NRG3: variants seen among roughly 807,000 people sequenced by gnomAD.
NRG3 encodes the protein neuregulin 3.
NRG3 carries 31 observed loss-of-function variants against 66.9 expected under a neutral mutation model. That is an observed-to-expected ratio of 0.46 (90% CI 0.35 to 0.63). NRG3 has a LOEUF of 0.63. Ranked by LOEUF, NRG3 falls within the 20% of genes least tolerant of loss-of-function variation. The pLI, the probability that NRG3 is intolerant of heterozygous loss-of-function variation, is 0.00. For synonymous variants in NRG3, 393 were observed against 359.4 expected (o/e 1.09, Z -1.06); for missense variants, 910 against 878.9 (o/e 1.04, Z -0.45).
chr10:82,251,897 A>G (rs530981386), intron 1 of NRG3, among the ~76,000 whole-genome samples: 1 of 151,420 alleles, frequency 6.6e-6, no homozygotes, highest in East Asian at 2.0e-4. Context: ...AGAGGTAAGG[A>G]GGACTGGCTC....
chr10:81,944,187 G>T (rs951841243), intron 1 of NRG3, among the ~76,000 whole-genome samples: 1 of 152,218 alleles, frequency 6.6e-6, no homozygotes, highest in Non-Finnish European at 1.5e-5. Context: ...CAGACAAAAA[G>T]AAATCCACAT....
intron 1 of NRG3, among the ~76,000 whole-genome samples, chr10:82,304,925 G>A (rs1225926583): frequency 6.8e-6 from 1 of 146,916 alleles, no homozygotes; most frequent in Non-Finnish European, 1.5e-5. Context: ...GACTATCACA[G>A]ATCTTCTTGA....
At chr10:82,907,553 C>T (rs566274215) in intron 4 of NRG3, among the ~76,000 whole-genome samples, 1 of 152,102 alleles carries the variant, frequency 6.6e-6, no homozygotes, top group Non-Finnish European at 1.5e-5. Context: ...AATTTATCAT[C>T]AATTATTTAA....
At chr10:82,905,803 A>G (rs924049283) in intron 4 of NRG3, among the ~76,000 whole-genome samples, 4 of 152,040 alleles carry the variant, frequency 2.6e-5, no homozygotes, top group Non-Finnish European at 5.9e-5. Flanking sequence ...TGAAACTTCT[A>G]CTCATCTGGA....
At position 82,252,255 on chromosome 10, in the gene NRG3, T is replaced by A. The variant is rs187888054; in HGVS notation, c.824-106484T>A. ...ACATTGCTCAATTGGGTACAAAAAATTTTTTTCCCTTGTGTTTGCTTTAGT... is the reference window on the plus strand; with the variant it reads ...ACATTGCTCAATTGGGTACAAAAAAATTTTTTCCCTTGTGTTTGCTTTAGT... On this transcript the variant is annotated intron_variant, in intron 1 of 8. Transcript: ENST00000372141. Among the ~76,000 whole-genome samples the A allele has an allele frequency of 3.5e-3, 532 of 152,266 alleles. 2 individuals carry two copies. Among genetic ancestry groups the A allele is most frequent in the African/African-American group, 0.011 (461 of 41,558 alleles).
At chr10:81,940,219 C>A (rs1414024807) in intron 1 of NRG3, among the ~76,000 whole-genome samples, 1 of 152,052 alleles carries the variant, frequency 6.6e-6, no homozygotes, top group Non-Finnish European at 1.5e-5. Context: ...TTTGCATATG[C>A]TTGAGAAGAA....
chr10:82,246,306 A>G (rs1286302892), intron 1 of NRG3, among the ~76,000 whole-genome samples: 1 of 152,190 alleles, frequency 6.6e-6, no homozygotes, highest in Non-Finnish European at 1.5e-5. Context: ...ATACTGCAAA[A>G]TGCTTGATAT....
intron 2 of NRG3, among the ~76,000 whole-genome samples, chr10:82,522,295 C>G (rs978168517): frequency 6.6e-6 from 1 of 151,878 alleles, no homozygotes; most frequent in Non-Finnish European, 1.5e-5. Flanking sequence ...TCCGCCTGCC[C>G]CAGCCTCTGA....
At chr10:82,132,540 T>TATATATCATATATATATATC (rs1303043191) in intron 1 of NRG3, among the ~76,000 whole-genome samples, 13 of 130,146 alleles carry the variant, frequency 1.0e-4, no homozygotes, top group African/African-American at 1.8e-4. Context: ...ATATATGATA[T>TATATATCATATATATATATC]ATATATATCT....
intron 3 of NRG3, among the ~76,000 whole-genome samples, chr10:82,859,983 A>G (rs2064031073): frequency 6.6e-6 from 1 of 152,096 alleles, no homozygotes; most frequent in African/African-American, 2.4e-5. Context: ...AATCTTAAGA[A>G]TGTTTCAGCT....
At chr10:82,065,906 A>G (rs1342902814) in intron 1 of NRG3, among the ~76,000 whole-genome samples, 15 of 152,164 alleles carry the variant, frequency 9.9e-5, no homozygotes, top group Admixed American at 9.8e-4. Flanking sequence ...TTGCTCTTTA[A>G]TCTAGTTTTT....
intron 1 of NRG3, among the ~76,000 whole-genome samples, chr10:82,164,002 C>A (rs538227505): frequency 5.3e-5 from 8 of 150,852 alleles, no homozygotes; most frequent in African/African-American, 1.9e-4. Context: ...CTCACTGCAA[C>A]CTCCACCTCC....
chr10:82,674,999 G>A (rs1218246019), intron 2 of NRG3, among the ~76,000 whole-genome samples: 1 of 150,198 alleles, frequency 6.7e-6, no homozygotes, highest in Non-Finnish European at 1.5e-5. Flanking sequence ...TCACTGTGTC[G>A]CCCAGGCTGG....
At chr10:82,353,343 A>G (rs11193893) in intron 1 of NRG3, among the ~76,000 whole-genome samples, 58,047 of 152,048 alleles carry the variant, frequency 0.38, 16,237 homozygotes, top group African/African-American at 0.78. Flanking sequence ...GTAGTTAAGG[A>G]AGAAACCAGT....
chr10:81,972,892 A>G (rs2059981938), intron 1 of NRG3, among the ~76,000 whole-genome samples: 1 of 152,204 alleles, frequency 6.6e-6, no homozygotes, highest in Admixed American at 6.5e-5. Context: ...CATTAATACA[A>G]TGTAATTTAA....
chr10:82,892,308 A>T (rs1462370951), intron 4 of NRG3, among the ~76,000 whole-genome samples: 3 of 152,148 alleles, frequency 2.0e-5, no homozygotes, highest in Non-Finnish European at 4.4e-5. Flanking sequence ...GCGAGAAATG[A>T]AAGAGGCAAG....
rs78277696 is a variant in NRG3, at chr10:82,250,846, A to T, written c.824-107893A>T. 3.2e-4 allele frequency among the ~76,000 whole-genome samples: 49 copies of T among 152,268 alleles called. No homozygotes were observed. The East Asian group carries it at 8.1e-3, about 25-fold the overall frequency. On this transcript the variant is annotated intron_variant, in intron 1 of 8. Transcript: ENST00000372141. The stretch of plus-strand genomic sequence containing the variant: ...CCTGGCTCTAGTCTATATTTACCGG[A>T]TGCTGTATTAAAAGAGGTAAAACCA...
chr10:82,680,885 T>C (rs1197914401), intron 2 of NRG3, among the ~76,000 whole-genome samples: 18 of 152,228 alleles, frequency 1.2e-4, no homozygotes. Context: ...TGAAAGCTCC[T>C]TGCCAAGGGA....
Position 82,590,787 on chromosome 10 carries a change from C to A in NRG3, c.954-147790C>A, listed in dbSNP as rs146390615. 4.3e-4 allele frequency among the ~76,000 whole-genome samples: 66 copies of A among 152,246 alleles called. 1 individual carries two copies. In the East Asian group the frequency reaches 0.012, roughly 29 times the overall value. ...AGGTTGGTGTGCCACCTAGATCTTGCAGTTTGGAACCAAAGATTTCAATGA... is the reference window on the plus strand; with the variant it reads ...AGGTTGGTGTGCCACCTAGATCTTGAAGTTTGGAACCAAAGATTTCAATGA... On this transcript the variant is annotated intron_variant, in intron 2 of 8. Coordinates refer to ENST00000372141, the MANE Select transcript of NRG3 (RefSeq NM_001010848.4).
Sources: allele counts gnomAD v4.1 joint callset (sites outside exome capture counted in the v4.1 genomes callset), GRCh38; gene constraint gnomAD v4.1.1; transcripts MANE v1.5; gene names NCBI Gene and HGNC (gene_info 2026-07-23, HGNC 2026-07-21).